Variants in TPGS1 observed in about 807,000 individuals in gnomAD.
TPGS1 encodes gene trap ROSA b-geo 22.
In TPGS1, 18 loss-of-function variants were observed where a neutral mutation model predicts 11.9. The observed-to-expected ratio is 1.51, with a 90% CI of 1.04 to 2.24. The LOEUF (loss-of-function observed/expected upper bound fraction) is 2.24. Ranked by LOEUF, TPGS1 falls within the 30% of genes most tolerant of loss-of-function variation. The pLI is 0.00. For missense variants in TPGS1, 500 were observed against 443.0 expected, an observed-to-expected ratio of 1.13 and a Z score of -1.16; for synonymous variants, 247 against 218.2, an observed-to-expected ratio of 1.13 and a Z score of -1.16.
Position 519,394 on chromosome 19 carries a change from T to C in TPGS1, c.844T>C (p.Phe282Leu). 8.1e-7 allele frequency: 1 copy of C among 1,227,250 alleles called. No homozygotes were observed. Among genetic ancestry groups the C allele is most frequent in the South Asian group, 3.4e-5 (1 of 29,430 alleles). 76.0% of individuals were successfully genotyped at this position (1,227,250 alleles called of 1,614,324 possible). A position where few individuals can be genotyped will look rare whatever the true frequency, so the allele number is the denominator to read the frequency against. Residue 282 changes from phenylalanine to leucine, a missense_variant, in exon 2 of 2, where the codon TTC becomes CTC. Coordinates refer to ENST00000359315, the MANE Select transcript of TPGS1 (RefSeq NM_033513.3). ...EEFLERAAAL[F>L]IAKVKPVG ...GTTTCTGGAGAGGGCCGCCGCGCTC[T>C]TCATCGCGAAGGTCAAGCCGGTGGG... is the stretch of plus-strand genomic sequence containing the variant.
intron 1 of TPGS1, among the ~76,000 whole-genome samples, chr19:516,109 T>C (rs1978947466): frequency 6.6e-6 from 1 of 150,954 alleles, no homozygotes; most frequent in Non-Finnish European, 1.5e-5. Context: ...TTGGGCACAG[T>C]ATTTGGCCAC....
In TPGS1 at chr19:519,082, C is replaced by A; in HGVS notation, c.532C>A (p.Leu178Met). 6.5e-7 allele frequency: 1 copy of A among 1,533,982 alleles called. No individual in the cohort carries two copies. Among genetic ancestry groups the A allele is most frequent in the Non-Finnish European group, 8.7e-7 (1 of 1,146,296 alleles). Residue 178 changes from leucine to methionine, a missense_variant, in exon 2 of 2, where the codon CTG (leucine) becomes ATG (methionine). By Grantham distance (15) the Leu-to-Met change is conservative. Coordinates refer to ENST00000359315, the MANE Select transcript of TPGS1 (RefSeq NM_033513.3). ...GTGCCGTGACCACGAGGCGGTGCCG[C>A]TGAGCGTCTTCCGCGCGGGCACACT... Reference protein sequence around the residue: ...VQCRDHEAVPLSVFRAGTLTC... With the variant: ...VQCRDHEAVPMSVFRAGTLTC...
chr19:513,200 G>A (rs528260864), intron 1 of TPGS1, among the ~76,000 whole-genome samples: 5 of 152,368 alleles, frequency 3.3e-5, no homozygotes, highest in Admixed American at 2.0e-4. Context: ...CATGCGGAGA[G>A]GTCAGGCGTG....
chr19:513,711 TGA>T (rs1173541191), intron 1 of TPGS1, among the ~76,000 whole-genome samples: 1 of 148,102 alleles, frequency 6.8e-6, no homozygotes, highest in Non-Finnish European at 1.5e-5. Context: ...CCAGCATTAC[TGA>T]GTACCTACTG....
intron 1 of TPGS1, chr19:508,570 G>GGT (rs1326801400): frequency 6.6e-6 from 1 of 152,364 alleles, no homozygotes; most frequent in East Asian, 1.9e-4. Context: ...TTTTGTTGGG[G>GGT]GGGGGGTCCC....
Position 519,171 on chromosome 19 carries a change from C to A in TPGS1, c.621C>A (p.Asp207Glu). ...RAGALFQLLE[D>E]SAAAVADRRV... Reference sequence around the variant, plus strand: ...GCGCGCTCTTCCAGCTGCTGGAGGACTCGGCCGCCGCCGTGGCCGACCGCC... The same window carrying A: ...GCGCGCTCTTCCAGCTGCTGGAGGAATCGGCCGCCGCCGTGGCCGACCGCC... Residue 207 changes from aspartate (D) to glutamate (E), a missense_variant, in exon 2 of 2, where the codon GAC becomes GAA. Coordinates refer to ENST00000359315, the MANE Select transcript of TPGS1 (RefSeq NM_033513.3). The A allele has an allele frequency of 6.7e-7, 1 of 1,498,944 alleles. No homozygotes were observed. The allele number at this position is 1,498,944 out of a possible 1,614,324, so 92.9% of individuals were successfully genotyped here.
chr19:513,730 A>G (rs963186545), intron 1 of TPGS1, among the ~76,000 whole-genome samples: 24,166 of 126,982 alleles, frequency 0.19, 3,833 homozygotes, highest in Admixed American at 0.32. Flanking sequence ...ACTGCACACC[A>G]GCCCAGCATT....
intron 1 of TPGS1, chr19:508,119 T>A: frequency 2.8e-6 from 1 of 356,504 alleles, no homozygotes; most frequent in Non-Finnish European, 5.0e-6. Flanking sequence ...AGTTTCCCCT[T>A]GCAGTTCATG....
chr19:515,711 C>G (rs2145834100), intron 1 of TPGS1, among the ~76,000 whole-genome samples: 1 of 149,154 alleles, frequency 6.7e-6, no homozygotes, highest in Middle Eastern at 3.6e-3. Flanking sequence ...GCACTCCAGC[C>G]TGACAACAGA....
At chr19:513,742 CTGAGTACCTACTGCACACCAGCCCAGCAT>C (rs1246552573) in intron 1 of TPGS1, among the ~76,000 whole-genome samples, 1 of 141,322 alleles carries the variant, frequency 7.1e-6, no homozygotes, top group African/African-American at 2.5e-5. Flanking sequence ...CCCAGCATTA[CTGAGTACCTACTGCACACCAGCCCAGCAT>C]TACTGAGTAC....
rs542493737 is a variant in TPGS1, at chr19:518,383, G to A, written c.339-506G>A. Among the ~76,000 whole-genome samples the A allele has an allele frequency of 3.9e-5, 4 of 101,448 alleles. No homozygotes were observed. The East Asian group carries it at 1.3e-3, about 34-fold the overall frequency. The allele number at this position is 101,448 out of a possible 152,430, so 66.6% of individuals were successfully genotyped here. A position where few individuals can be genotyped will look rare whatever the true frequency, so the allele number is the denominator to read the frequency against. On this transcript the variant is annotated intron_variant, in intron 1 of 1. Coordinates refer to ENST00000359315, the MANE Select transcript of TPGS1 (RefSeq NM_033513.3). ...GAGGCCCAGGTTGAGTAGGGGCTGG[G>A]AAGAGGGAGGCCCGGGCTGGGTAGG...
Position 519,463 on chromosome 19 carries a change from GTCCCCGCGTGCGGGGCGCGCGGAGCCT to G in TPGS1, c.*45_*71del. ...GCGGATCCGGGATCTGCGCTGGGGG[GTCCCCGCGTGCGGGGCGCGCGGAGCCT>G]TCCCTTCGCCCTGGTGAGGCCCTGC... On this transcript the variant is annotated 3_prime_UTR_variant, in exon 2 of 2. Transcript: ENST00000359315. The G allele has an allele frequency of 8.4e-7, 1 of 1,187,894 alleles. No homozygotes were observed. Among genetic ancestry groups the G allele is most frequent in the Non-Finnish European group, 1.0e-6 (1 of 958,950 alleles). The allele number at this position is 1,187,894 out of a possible 1,614,324, so 73.6% of individuals were successfully genotyped here.
rs776657651 is a variant in TPGS1 at position 507,705 on chromosome 19, C to G, written c.199C>G (p.Leu67Val). 2.1e-6 allele frequency: 3 copies of G among 1,397,670 alleles called. No homozygotes were observed. The highest frequency in any genetic ancestry group is 2.8e-6 in the Non-Finnish European group (3 of 1,069,040). The allele number at this position is 1,397,670 out of a possible 1,614,324, so 86.6% of individuals were successfully genotyped here. Reference protein sequence around the residue: ...EARPEEPIAFLAHYFENMGLR... With the variant: ...EARPEEPIAFVAHYFENMGLR... Reference sequence around the variant, plus strand: ...GCGGCCCGAGGAGCCGATCGCCTTCCTGGCTCACTACTTCGAGAACATGGG... The same window carrying G: ...GCGGCCCGAGGAGCCGATCGCCTTCGTGGCTCACTACTTCGAGAACATGGG... The change falls in exon 1 of 2, where the codon CTG becomes GTG. Residue 67 changes from leucine (L) to valine (V), a missense_variant. Physicochemically the swap from Leu to Val is conservative, Grantham distance 32. Coordinates refer to ENST00000359315, the MANE Select transcript of TPGS1 (RefSeq NM_033513.3).
chr19:518,972 G>T lies in TPGS1; in HGVS notation c.422G>T (p.Arg141Leu). The change falls in exon 2 of 2, where the codon CGC becomes CTC. Residue 141 changes from arginine to leucine, a missense_variant. By Grantham distance (102) the Arg-to-Leu change is moderately radical (BLOSUM62 -2). Coordinates refer to ENST00000359315, the MANE Select transcript of TPGS1 (RefSeq NM_033513.3). ...GRRKRPGLDG[R>L]TYSELLRRIC... is the part of the protein sequence containing the mutation. ...AGGAAGAGGCCGGGGCTGGACGGGCGCACCTACAGCGAGCTGCTCAGGCGC... is the reference window on the plus strand; with the variant it reads ...AGGAAGAGGCCGGGGCTGGACGGGCTCACCTACAGCGAGCTGCTCAGGCGC... The T allele has an allele frequency of 6.3e-7, 1 of 1,585,394 alleles. No homozygotes were observed.
At chr19:507,987 G>C (rs1256167176) in intron 1 of TPGS1, 143 bp downstream of exon 1, 3 of 610,058 alleles carry the variant, frequency 4.9e-6, no homozygotes, top group Admixed American at 4.4e-5. Flanking sequence ...TCTTGGGTGG[G>C]ATGGATCGGA....
intron 1 of TPGS1, among the ~76,000 whole-genome samples, chr19:510,888 G>C (rs779127940): frequency 6.6e-6 from 1 of 152,198 alleles, no homozygotes; most frequent in Non-Finnish European, 1.5e-5. Context: ...CCTGAGCAGC[G>C]TCCCTGGCCT....
At chr19:516,430 G>A (rs1356755022) in intron 1 of TPGS1, among the ~76,000 whole-genome samples, 1 of 151,452 alleles carries the variant, frequency 6.6e-6, no homozygotes, top group Admixed American at 6.6e-5. Flanking sequence ...TGTCGCCCAG[G>A]CTGGAGTGCA....
At position 513,295 on chromosome 19, in the gene TPGS1, C is replaced by T. The variant is rs112387532; in HGVS notation, c.338+5451C>T. Among the ~76,000 whole-genome samples the T allele has an allele frequency of 3.9e-3, 587 of 152,272 alleles. 1 individual carries two copies. Among genetic ancestry groups the T allele is most frequent in the African/African-American group, 0.013 (555 of 41,544 alleles). Reference sequence around the variant, plus strand: ...CCTCATGGATGGTAAAAGCGCCCAGCGGATTATAAGGGCCAACAAATGGGG... The same window carrying T: ...CCTCATGGATGGTAAAAGCGCCCAGTGGATTATAAGGGCCAACAAATGGGG... On this transcript the variant is annotated intron_variant, in intron 1 of 1. Coordinates refer to ENST00000359315, the MANE Select transcript of TPGS1 (RefSeq NM_033513.3).
intron 1 of TPGS1, among the ~76,000 whole-genome samples, chr19:512,529 C>T (rs575894013): frequency 6.6e-6 from 1 of 152,162 alleles, no homozygotes; most frequent in Non-Finnish European, 1.5e-5. Context: ...GAGAAGTGGA[C>T]TGAGAAGTAG....
Sources: allele counts gnomAD v4.1 joint callset (sites outside exome capture counted in the v4.1 genomes callset), GRCh38; gene constraint gnomAD v4.1.1; transcripts MANE v1.5; gene names NCBI Gene and HGNC (gene_info 2026-07-23, HGNC 2026-07-21).